Variants in VWCE observed in about 807,000 individuals in gnomAD.
VWCE encodes the protein von Willebrand factor C and EGF domain-containing protein.
Under a neutral mutation model 102.9 loss-of-function variants are expected in VWCE, and 68 were observed. That is an observed-to-expected ratio of 0.66 (90% CI 0.54 to 0.81). The LOEUF is 0.81. VWCE is among the 30% of genes least tolerant of loss of function. VWCE has a pLI of 0.00. For synonymous variants in VWCE, 497 were observed against 515.4 expected (o/e 0.96, Z 0.48); for missense variants, 1,137 against 1,263.6 (o/e 0.90, Z 1.52).
chr11:61,288,003 C>T (rs990366458), intron 4 of VWCE, among the ~76,000 whole-genome samples: 4 of 151,306 alleles, frequency 2.6e-5, no homozygotes, highest in African/African-American at 7.3e-5. Flanking sequence ...AAAAAAAATA[C>T]AAAAATTAGC....
intron 16 of VWCE, among the ~76,000 whole-genome samples, chr11:61,265,961 G>A (rs779074227): frequency 9.9e-5 from 15 of 152,006 alleles, no homozygotes; most frequent in Non-Finnish European, 1.5e-4. Flanking sequence ...CGGGAGAATC[G>A]TTTGAACCTG....
chr11:61,258,950 G>A lies in VWCE; in HGVS notation c.2593C>T (p.Pro865Ser). Residue 865 changes from proline to serine, a missense_variant, in exon 20 of 20, where the codon CCT becomes TCT. Physicochemically the swap from Pro to Ser is moderately conservative, Grantham distance 74. Coordinates refer to ENST00000335613, the MANE Select transcript of VWCE (RefSeq NM_152718.2). ...PTLPLASPGA[P>S]QPPPVTPERS... Reference sequence around the variant, plus strand: ...TCTGGAGTCACAGGAGGTGGCTGAGGAGCCCCTGGGGAAGCTAGAGGTAGA... The same window carrying A: ...TCTGGAGTCACAGGAGGTGGCTGAGAAGCCCCTGGGGAAGCTAGAGGTAGA... 6.4e-7 allele frequency: 1 copy of A among 1,569,186 alleles called. No individual in the cohort carries two copies. The highest frequency in any genetic ancestry group is 8.6e-7 in the Non-Finnish European group (1 of 1,159,832).
chr11:61,270,674 T>C (rs1008748249), intron 14 of VWCE, among the ~76,000 whole-genome samples: 1 of 152,184 alleles, frequency 6.6e-6, no homozygotes, highest in Non-Finnish European at 1.5e-5. Context: ...GAAGAAAACA[T>C]TGCAATTTCA....
rs576871054 is a variant in VWCE at position 61,280,670 on chromosome 11, G to A, written c.1278C>T (p.Ser426=). The change falls in exon 9 of 20, where the codon TCC becomes TCT. Residue 426 remains serine (S), a synonymous_variant. Coordinates refer to ENST00000335613, the MANE Select transcript of VWCE (RefSeq NM_152718.2). Reference sequence around the variant, plus strand: ...CACCATCTCTGGAGGGAATTGGGTGGGAACAAGCAGCTTCACACCTCACCT... The same window carrying A: ...CACCATCTCTGGAGGGAATTGGGTGAGAACAAGCAGCTTCACACCTCACCT... ...CEKVRCEAAC[S]HPIPSRDGGC... 3 of 1,613,918 alleles carry A rather than the reference G, an allele frequency of 1.9e-6. No individual in the cohort carries two copies. The African/African-American group carries it at 4.0e-5, about 22-fold the overall frequency.
intron 11 of VWCE, among the ~76,000 whole-genome samples, chr11:61,275,051 T>G (rs1024652590): frequency 6.6e-6 from 1 of 152,092 alleles, no homozygotes. Context: ...CAAGACCCCA[T>G]GTCAACAACA....
In VWCE at chr11:61,281,191, G is replaced by C. The variant is rs142520723; in HGVS notation, c.832C>G (p.Arg278Gly). 1.2e-6 allele frequency: 2 copies of C among 1,613,258 alleles called. No individual in the cohort carries two copies. The highest frequency in any genetic ancestry group is 1.9e-4 in the Middle Eastern group (1 of 5,392). Residue 278 changes from arginine to glycine, a missense_variant, in exon 8 of 20, where the codon CGG (arginine) becomes GGG (glycine). Transcript: ENST00000335613. The stretch of plus-strand genomic sequence containing the variant: ...AGAAGCATCTTGGACGGGTGTTGCC[G>C]GGGTTGCAGGATGGCAGATGGGGCC... ...VLAPSAILQP[R>G]QHPSKMLLLL...
intron 5 of VWCE, among the ~76,000 whole-genome samples, chr11:61,285,240 T>C (rs1223968778): frequency 6.6e-6 from 1 of 152,112 alleles, no homozygotes; most frequent in Non-Finnish European, 1.5e-5. Flanking sequence ...GCTAGCACCA[T>C]GGCTTTTAAA....
chr11:61,281,759 GC>G (rs1565226991), intron 7 of VWCE, 26 bp downstream of exon 7: 1 of 1,592,168 alleles, frequency 6.3e-7, no homozygotes, highest in South Asian at 1.1e-5. Flanking sequence ...GTGGCCAGCC[GC>G]CGGGATGGAG....
In VWCE at chr11:61,265,688, G is replaced by A. The variant is rs114139971; in HGVS notation, c.1966-476C>T. 3.5e-3 allele frequency among the ~76,000 whole-genome samples: 536 copies of A among 152,306 alleles called. 5 individuals carry two copies. Among genetic ancestry groups the A allele is most frequent in the African/African-American group, 0.013 (520 of 41,556 alleles). On this transcript the variant is annotated intron_variant, in intron 16 of 19. Transcript: ENST00000335613. ...GCTCACTGATCACCAAAGAAATACC[G>A]CATCTGCACCCACACCAGCAAAGCA...
intron 5 of VWCE, 140 bp downstream of exon 5, chr11:61,286,174 G>C (rs1855313380): frequency 1.2e-6 from 1 of 830,912 alleles, no homozygotes. Flanking sequence ...AACCATAATA[G>C]CATCTCCCTC....
chr11:61,289,083 C>A (rs1004681780), intron 4 of VWCE, among the ~76,000 whole-genome samples: 4 of 151,960 alleles, frequency 2.6e-5, no homozygotes, highest in African/African-American at 9.7e-5. Context: ...CGTGATCCAC[C>A]CACCTCGGCC....
rs1854451634 is a variant in VWCE at position 61,264,513 on chromosome 11, G to A, written c.2204C>T (p.Pro735Leu). ...QRACADPALL[P>L]GDCCSSCPDS... is the part of the protein sequence containing the mutation. ...TGGACAGGAAGAGCAGCAGTCCCCAGGAAGCAGGGCAGGGTCGGCACAGGC... is the reference window on the plus strand; with the variant it reads ...TGGACAGGAAGAGCAGCAGTCCCCAAGAAGCAGGGCAGGGTCGGCACAGGC... The change falls in exon 19 of 20, where the codon CCT becomes CTT. Residue 735 changes from proline to leucine, a missense_variant. Physicochemically the swap from Pro to Leu is moderately conservative, Grantham distance 98. Coordinates refer to ENST00000335613, the MANE Select transcript of VWCE (RefSeq NM_152718.2). 1.2e-6 allele frequency: 2 copies of A among 1,613,706 alleles called. No homozygotes were observed. The highest frequency in any genetic ancestry group is 2.7e-5 in the African/African-American group (2 of 75,064).
At chr11:61,271,509 G>A in intron 14 of VWCE, 166 bp downstream of exon 14, 3 of 620,810 alleles carry the variant, frequency 4.8e-6, no homozygotes, top group Non-Finnish European at 5.8e-6. Flanking sequence ...ACTGAGAGCA[G>A]GATAAACTCG....
chr11:61,274,558 A>G lies in VWCE; in HGVS notation c.1522T>C (p.Tyr508His), dbSNP rs1375299528. The G allele has an allele frequency of 3.1e-6, 5 of 1,613,804 alleles. No individual in the cohort carries two copies. The highest frequency in any genetic ancestry group is 4.2e-6 in the Non-Finnish European group (5 of 1,179,948). ...PVRCYFHGRWYADGAVFSGGG... is the reference protein window; with the variant it reads ...PVRCYFHGRWHADGAVFSGGG... ...CCACTGAACACAGCCCCGTCTGCGT[A>G]CCACCGGCCGTGGAAATAGCATCTC... Residue 508 changes from tyrosine to histidine, a missense_variant, in exon 12 of 20, where the codon TAC becomes CAC. Transcript: ENST00000335613.
At chr11:61,290,704 C>G in intron 4 of VWCE, 95 bp downstream of exon 4, 1 of 1,434,440 alleles carries the variant, frequency 7.0e-7, no homozygotes, top group East Asian at 2.4e-5. Context: ...TCAGCTTAGC[C>G]TTGCAATACA....
intron 4 of VWCE, 115 bp downstream of exon 4, chr11:61,290,684 C>G: frequency 8.3e-7 from 1 of 1,212,094 alleles, no homozygotes; most frequent in Non-Finnish European, 1.1e-6. Flanking sequence ...ACATCAGAGC[C>G]TATCTTGGCT....
intron 1 of VWCE, 90 bp from the exon 2 acceptor site, chr11:61,291,666 C>T: frequency 9.1e-7 from 1 of 1,099,412 alleles, no homozygotes; most frequent in Non-Finnish European, 1.2e-6. Flanking sequence ...GTAAGTGAAT[C>T]AACAAACAAT....
Position 61,292,412 on chromosome 11 carries a change from T to G in VWCE, c.111-836A>C, listed in dbSNP as rs187307361. 2.9e-3 allele frequency among the ~76,000 whole-genome samples: 438 copies of G among 152,296 alleles called. 1 individual carries two copies. The highest frequency in any genetic ancestry group is 4.5e-3 in the Non-Finnish European group (305 of 68,036). ...TAGATTTTAATTTATTAATTCATTG[T>G]CTCCCCTACAACTCCCTGATGACAA... On this transcript the variant is annotated intron_variant, in intron 1 of 19. Coordinates refer to ENST00000335613, the MANE Select transcript of VWCE (RefSeq NM_152718.2).
Position 61,265,189 on chromosome 11 carries a change from G to A in VWCE, c.1989C>T (p.Pro663=), listed in dbSNP as rs1854476278. Residue 663 remains proline (P), a synonymous_variant, in exon 17 of 20, where the codon CCC becomes CCT. Coordinates refer to ENST00000335613, the MANE Select transcript of VWCE (RefSeq NM_152718.2). The stretch of plus-strand genomic sequence containing the variant: ...AGGTACAGGTGATGGGGCAGTCCAC[G>A]GGGGAACAGGCCACTGAGCCCAGCT... The part of the protein sequence containing the change: ...ICLLGSVACS[P]VDCPITCTYP... The A allele has an allele frequency of 4.0e-6, 6 of 1,503,440 alleles. No individual in the cohort carries two copies. The highest frequency in any genetic ancestry group is 5.3e-6 in the Non-Finnish European group (6 of 1,123,926). The allele number at this position is 1,503,440 out of a possible 1,614,324, so 93.1% of individuals were successfully genotyped here. A position where few individuals can be genotyped will look rare whatever the true frequency, so the allele number is the denominator to read the frequency against.
Sources: allele counts gnomAD v4.1 joint callset (sites outside exome capture counted in the v4.1 genomes callset), GRCh38; gene constraint gnomAD v4.1.1; transcripts MANE v1.5; gene names NCBI Gene and HGNC (gene_info 2026-07-23, HGNC 2026-07-21).